RP1: variants seen among roughly 807,000 people sequenced by gnomAD.
The protein encoded by RP1 is RP1 axonemal microtubule associated.
RP1 carries 16 observed loss-of-function variants against 14.8 expected under a neutral mutation model. The observed-to-expected ratio is 1.08, with a 90% confidence interval of 0.73 to 1.65. The LOEUF is 1.65. Ranked by LOEUF, RP1 falls within the 40% of genes most tolerant of loss-of-function variation. The probability of loss-of-function intolerance (pLI) is 0.00; values close to 1 mark genes in which losing one functional copy is unlikely to be tolerated. For missense variants in RP1, 2,631 were observed against 2,535.0 expected (o/e 1.04, Z -0.81); for synonymous variants, 876 against 883.6 (o/e 0.99, Z 0.15).
intron 19 of RP1, among the ~76,000 whole-genome samples, chr8:54,741,690 T>A (rs1337344954): frequency 2.2e-5 from 3 of 135,706 alleles, no homozygotes; most frequent in Non-Finnish European, 4.7e-5. Context: ...TATGTACATA[T>A]AAATACAAAT....
chr8:54,684,453 G>A (rs964929560), intron 12 of RP1, among the ~76,000 whole-genome samples: 2 of 151,918 alleles, frequency 1.3e-5, no homozygotes, highest in Non-Finnish European at 2.9e-5. Context: ...GGCTTTTTTT[G>A]GTTGGTAGGC....
chr8:54,696,112 T>G (rs566910807), intron 12 of RP1, among the ~76,000 whole-genome samples: 6 of 152,240 alleles, frequency 3.9e-5, no homozygotes, highest in South Asian at 4.1e-4. Flanking sequence ...AGTGTTTGCC[T>G]GTGTGGTTAA....
chr8:54,668,341 A>G (rs532356108), intron 7 of RP1, among the ~76,000 whole-genome samples: 3 of 152,298 alleles, frequency 2.0e-5, no homozygotes, highest in Non-Finnish European at 4.4e-5. Context: ...CCTCTTCAAG[A>G]AGAACTACAA....
chr8:54,851,144 G>A (rs1216233804), intron 25 of RP1, among the ~76,000 whole-genome samples: 3 of 152,158 alleles, frequency 2.0e-5, no homozygotes, highest in Non-Finnish European at 2.9e-5. Flanking sequence ...CAGCTTCTGG[G>A]GACACTGTGT....
chr8:54,698,819 A>G (rs570761277), intron 12 of RP1, among the ~76,000 whole-genome samples: 33 of 152,320 alleles, frequency 2.2e-4, no homozygotes, highest in African/African-American at 7.7e-4. Context: ...GTTTTCACTC[A>G]TAAGTGGGAG....
At chr8:54,740,427 AAAAATT>A (rs1809049910) in intron 19 of RP1, among the ~76,000 whole-genome samples, 1 of 150,292 alleles carries the variant, frequency 6.7e-6, no homozygotes, top group Non-Finnish European at 1.5e-5. Context: ...AAAAAAAAAA[AAAAATT>A]AAGTAGAGAG....
chr8:54,752,045 A>G (rs993717588), intron 19 of RP1, among the ~76,000 whole-genome samples: 1 of 152,168 alleles, frequency 6.6e-6, no homozygotes, highest in Non-Finnish European at 1.5e-5. Flanking sequence ...GAACCTGTTG[A>G]AGTTTTAGGT....
At chr8:54,559,309 T>G (rs181380963) in exon 1 of RP1, 50 of 152,290 alleles carry the variant, frequency 3.3e-4, no homozygotes, top group African/African-American at 1.1e-3. Context: ...ACAAACATTT[T>G]GGAAATTACA....
chr8:54,636,314 C>T (rs1473621948), intron 3 of RP1, among the ~76,000 whole-genome samples: 1 of 152,236 alleles, frequency 6.6e-6, no homozygotes, highest in African/African-American at 2.4e-5. Context: ...GATAAAGAGG[C>T]ATCCCATGGA....
chr8:54,671,877 C>A, intron 7 of RP1, among the ~76,000 whole-genome samples: 1 of 151,968 alleles, frequency 6.6e-6, no homozygotes, highest in East Asian at 1.9e-4. Context: ...GCCATGTTTT[C>A]CTCTTCTTTG....
chr8:54,842,867 C>T (rs1811818921), intron 25 of RP1, among the ~76,000 whole-genome samples: 1 of 152,200 alleles, frequency 6.6e-6, no homozygotes. Context: ...GGCCCCTGCC[C>T]TTTCTGTCCC....
chr8:54,803,110 G>A (rs1008802193), intron 24 of RP1, among the ~76,000 whole-genome samples: 5 of 151,714 alleles, frequency 3.3e-5, no homozygotes, highest in African/African-American at 1.2e-4. Context: ...TTCTCAACTT[G>A]CCTGGAAACC....
intron 25 of RP1, among the ~76,000 whole-genome samples, chr8:54,849,372 C>A (rs1414469667): frequency 6.6e-6 from 1 of 152,000 alleles, no homozygotes; most frequent in Admixed American, 6.6e-5. Flanking sequence ...TGTGCTTGGA[C>A]AAATTTTTTG....
At chr8:54,575,100 T>C (rs1382941652) in intron 1 of RP1, among the ~76,000 whole-genome samples, 1 of 152,240 alleles carries the variant, frequency 6.6e-6, no homozygotes, top group Non-Finnish European at 1.5e-5. Context: ...TGTTCAACTA[T>C]GAACTTTTTC....
At chr8:54,822,288 G>A (rs1046467814) in intron 24 of RP1, among the ~76,000 whole-genome samples, 1 of 152,144 alleles carries the variant, frequency 6.6e-6, no homozygotes, top group African/African-American at 2.4e-5. Context: ...AAATGCTGCT[G>A]AGAAAATTTA....
chr8:54,603,853 G>A (rs1420330322), intron 1 of RP1, among the ~76,000 whole-genome samples: 1 of 152,148 alleles, frequency 6.6e-6, no homozygotes, highest in Non-Finnish European at 1.5e-5. Context: ...TGTTATTGGT[G>A]TATAAGAATG....
At chr8:54,572,590 T>G (rs949450340) in intron 1 of RP1, among the ~76,000 whole-genome samples, 2 of 152,120 alleles carry the variant, frequency 1.3e-5, no homozygotes, top group Non-Finnish European at 2.9e-5. Context: ...CTCTAAGGAG[T>G]TGGGATATAC....
intron 22 of RP1, among the ~76,000 whole-genome samples, chr8:54,765,348 T>G (rs1447714441): frequency 6.6e-6 from 1 of 152,216 alleles, no homozygotes; most frequent in Non-Finnish European, 1.5e-5. Context: ...GCTAAATTAG[T>G]GAATTAGTTA....
intron 15 of RP1, among the ~76,000 whole-genome samples, chr8:54,718,926 A>G (rs547116923): frequency 1.3e-5 from 2 of 152,294 alleles, no homozygotes; most frequent in African/African-American, 4.8e-5. Context: ...GATACAAGAC[A>G]TTATAGATTT....
Sources: allele counts gnomAD v4.1 joint callset (sites outside exome capture counted in the v4.1 genomes callset), GRCh38; gene constraint gnomAD v4.1.1; transcripts MANE v1.5; gene names NCBI Gene and HGNC (gene_info 2026-07-23, HGNC 2026-07-21).